NMNAT2: variants seen among roughly 807,000 people sequenced by gnomAD.
The protein encoded by NMNAT2 is nicotinamide/nicotinic acid mononucleotide adenylyltransferase 2.
A neutral mutation model predicts 41.6 loss-of-function variants in NMNAT2; 11 were observed. The ratio of observed to expected loss-of-function variants is 0.26; its 90% CI spans 0.17 to 0.44. The LOEUF (loss-of-function observed/expected upper bound fraction) is 0.44. Ranked by LOEUF, NMNAT2 falls within the 20% of genes least tolerant of loss-of-function variation. The pLI is 1.00. For missense variants in NMNAT2, 288 were observed against 407.7 expected (o/e 0.71, Z 2.53); for synonymous variants, 148 against 151.2 (o/e 0.98, Z 0.16).
At chr1:183,398,947 C>T (rs1448382785) in intron 1 of NMNAT2, among the ~76,000 whole-genome samples, 1 of 152,118 alleles carries the variant, frequency 6.6e-6, no homozygotes, top group African/African-American at 2.4e-5. Context: ...TAAATGCCCA[C>T]AACAGAAAGC....
intron 10 of NMNAT2, among the ~76,000 whole-genome samples, chr1:183,255,659 AG>A (rs1473664186): frequency 7.7e-6 from 1 of 130,654 alleles, no homozygotes; most frequent in Non-Finnish European, 1.6e-5. Flanking sequence ...TTTATTCCTA[AG>A]GGTTTTTTTT....
At chr1:183,391,277 A>C (rs560114631) in intron 1 of NMNAT2, among the ~76,000 whole-genome samples, 1 of 152,120 alleles carries the variant, frequency 6.6e-6, no homozygotes, top group Non-Finnish European at 1.5e-5. Flanking sequence ...GAATTTCTCC[A>C]TGTTCCCACC....
intron 1 of NMNAT2, among the ~76,000 whole-genome samples, chr1:183,354,945 C>T (rs1321542910): frequency 6.6e-6 from 1 of 152,142 alleles, no homozygotes; most frequent in South Asian, 2.1e-4. Context: ...GTTAAATTTT[C>T]GAAACATATA....
Position 183,252,466 on chromosome 1 carries a change from G to T in NMNAT2, c.*175C>A. ...ACTAGAGGAAAGTCTGTCCAAAGAT[G>T]ACTGTGGAATAGGGAATGCCATGGT... On this transcript the variant is annotated 3_prime_UTR_variant, in exon 11 of 11. Coordinates refer to ENST00000287713, the MANE Select transcript of NMNAT2 (RefSeq NM_015039.4). 2.6e-6 allele frequency: 1 copy of T among 387,234 alleles called. No individual in the cohort carries two copies. Among genetic ancestry groups the T allele is most frequent in the Non-Finnish European group, 5.2e-6 (1 of 193,258 alleles). The allele number at this position is 387,234 out of a possible 1,614,324, so 24.0% of individuals were successfully genotyped here.
At chr1:183,336,611 G>A (rs1035415722) in intron 1 of NMNAT2, among the ~76,000 whole-genome samples, 3 of 152,164 alleles carry the variant, frequency 2.0e-5, no homozygotes, top group Admixed American at 6.5e-5. Context: ...TACGTTGCTG[G>A]TAGGATTGTC....
chr1:183,254,604 A>AT (rs1269393458), intron 10 of NMNAT2, among the ~76,000 whole-genome samples: 5 of 150,816 alleles, frequency 3.3e-5, no homozygotes, highest in East Asian at 2.0e-4. Context: ...TGCCTGGCTA[A>AT]TTTTTTTTTG....
At chr1:183,304,040 A>G (rs1571586560) in intron 1 of NMNAT2, among the ~76,000 whole-genome samples, 2 of 152,256 alleles carry the variant, frequency 1.3e-5, no homozygotes, top group South Asian at 2.1e-4. Flanking sequence ...CTTTATTCCA[A>G]TGCACTATGG....
intron 1 of NMNAT2, among the ~76,000 whole-genome samples, chr1:183,404,236 C>T (rs1481950141): frequency 6.6e-6 from 1 of 151,770 alleles, no homozygotes; most frequent in Non-Finnish European, 1.5e-5. Context: ...GTAGCTGAGA[C>T]CACAGGTGCA....
chr1:183,349,178 G>A (rs2102350670), intron 1 of NMNAT2, among the ~76,000 whole-genome samples: 1 of 152,334 alleles, frequency 6.6e-6, no homozygotes, highest in South Asian at 2.1e-4. Context: ...TTCTCCCAAA[G>A]GACAGAGCTC....
chr1:183,401,797 G>C (rs1032684972), intron 1 of NMNAT2, among the ~76,000 whole-genome samples: 5 of 151,968 alleles, frequency 3.3e-5, no homozygotes, highest in African/African-American at 1.2e-4. Context: ...CTATCATTCT[G>C]AGCAAACTAT....
intron 1 of NMNAT2, among the ~76,000 whole-genome samples, chr1:183,401,129 C>T (rs981348746): frequency 6.6e-6 from 1 of 152,170 alleles, no homozygotes; most frequent in African/African-American, 2.4e-5. Flanking sequence ...TAACAGGCAA[C>T]CTACAGAATG....
intron 1 of NMNAT2, among the ~76,000 whole-genome samples, chr1:183,387,290 T>C (rs1437824782): frequency 6.6e-6 from 1 of 151,860 alleles, no homozygotes; most frequent in Non-Finnish European, 1.5e-5. Context: ...ACCCTTGATT[T>C]GGAATATATA....
At chr1:183,388,618 C>T (rs1648331153) in intron 1 of NMNAT2, among the ~76,000 whole-genome samples, 1 of 152,194 alleles carries the variant, frequency 6.6e-6, no homozygotes. Flanking sequence ...GTCCTCAGTT[C>T]AATTATCTGT....
chr1:183,410,192 G>A (rs974355259), intron 1 of NMNAT2, among the ~76,000 whole-genome samples: 19 of 151,592 alleles, frequency 1.3e-4, no homozygotes, highest in African/African-American at 3.4e-4. Flanking sequence ...GCATGATGGC[G>A]GGTGCCTGTA....
chr1:183,260,932 T>C (rs1231079832), intron 10 of NMNAT2, 70 bp downstream of exon 10: 1 of 1,241,942 alleles, frequency 8.1e-7, no homozygotes, highest in Non-Finnish European at 1.2e-6. Context: ...TCATCTTTGA[T>C]GGAGGAAATT....
chr1:183,318,343 T>G (rs1662295543), intron 1 of NMNAT2, among the ~76,000 whole-genome samples: 1 of 152,146 alleles, frequency 6.6e-6, no homozygotes. Flanking sequence ...CCAGGCCAGA[T>G]GAGGAAATGG....
chr1:183,272,601 T>A (rs9660718), intron 8 of NMNAT2, among the ~76,000 whole-genome samples: 3,444 of 152,264 alleles, frequency 0.023, 123 homozygotes, highest in African/African-American at 0.079. Flanking sequence ...CCATTAGTCA[T>A]ATAATTAGAT....
In NMNAT2 at chr1:183,252,587, CAG is replaced by C. The variant is rs984250053; in HGVS notation, c.*52_*53del. On this transcript the variant is annotated 3_prime_UTR_variant, in exon 11 of 11. Transcript: ENST00000287713. ...GAGAAACAGAGAGGCAGGAGAGAAA[CAG>C]GGGGCTGACAAAGATGGAGGGGCCA... 8.1e-6 allele frequency: 10 copies of C among 1,227,778 alleles called. No individual in the cohort carries two copies. Among genetic ancestry groups the C allele is most frequent in the African/African-American group, 4.4e-5 (3 of 67,486 alleles). 76.1% of individuals were successfully genotyped at this position (1,227,778 alleles called of 1,614,324 possible).
At chr1:183,284,094 A>G (rs535783249) in intron 6 of NMNAT2, 55 bp from the exon 7 acceptor site, 1 of 1,494,612 alleles carries the variant, frequency 6.7e-7, no homozygotes, top group Non-Finnish European at 9.2e-7. Flanking sequence ...CTGGTACCCA[A>G]CACACAGTCT....
Sources: gnomAD v4.1 joint callset for allele counts (sites outside exome capture counted in the v4.1 genomes callset) on GRCh38, gnomAD v4.1.1 for gene constraint, MANE v1.5 for transcripts, NCBI Gene and HGNC (gene_info 2026-07-23, HGNC 2026-07-21) for gene names.